RABGAP1L: variants seen among roughly 807,000 people sequenced by gnomAD.
RABGAP1L encodes the protein RAB GTPase activating protein 1 like.
RABGAP1L carries 63 observed loss-of-function variants against 137.7 expected under a neutral mutation model. That is an observed-to-expected ratio of 0.46 (90% confidence interval 0.37 to 0.56). RABGAP1L has a LOEUF of 0.56. Among genes scored for constraint, RABGAP1L ranks in the 20% least tolerant of loss-of-function variants. RABGAP1L has a pLI of 0.00. For synonymous variants in RABGAP1L, 431 were observed against 433.7 expected (o/e 0.99, Z 0.08); for missense variants, 1,095 against 1,244.0 (o/e 0.88, Z 1.80).
Position 174,448,449 on chromosome 1 carries a change from C to G in RABGAP1L, c.1710+54304C>G, listed in dbSNP as rs778061724. Reference sequence around the variant, plus strand: ...TCCACAGGTGTCCACGAGTCATTGACTTGCCAGGTTTTTGGATATATCATC... The same window carrying G: ...TCCACAGGTGTCCACGAGTCATTGAGTTGCCAGGTTTTTGGATATATCATC... On this transcript the variant is annotated intron_variant, in intron 13 of 25. Transcript: ENST00000681986. This position sits in a 1 kb window ranked among gnomAD's most constrained non-coding sequence, Gnocchi z 4.2. 2 of 1,613,772 alleles carry G rather than the reference C, an allele frequency of 1.2e-6. No individual in the cohort carries two copies. The highest frequency in any genetic ancestry group is 8.5e-7 in the Non-Finnish European group (1 of 1,179,688).
chr1:174,353,171 TAG>T (rs1361401803), intron 11 of RABGAP1L, among the ~76,000 whole-genome samples: 1 of 152,182 alleles, frequency 6.6e-6, no homozygotes, highest in Non-Finnish European at 1.5e-5. Flanking sequence ...CCTTTTGACC[TAG>T]AGTGTGTCGT....
intron 13 of RABGAP1L, among the ~76,000 whole-genome samples, chr1:174,597,868 A>T (rs1258721664): frequency 1.3e-5 from 2 of 152,094 alleles, no homozygotes; most frequent in African/African-American, 4.8e-5. Flanking sequence ...AATTTGTTTT[A>T]AGGAATTTTT....
intron 12 of RABGAP1L, among the ~76,000 whole-genome samples, chr1:174,393,582 A>G (rs756214255): frequency 6.6e-6 from 1 of 152,188 alleles, no homozygotes; most frequent in Non-Finnish European, 1.5e-5. Context: ...TCCGTTTTCA[A>G]CATCATTTCC....
intron 13 of RABGAP1L, among the ~76,000 whole-genome samples, chr1:174,589,633 A>G (rs1432442133): frequency 6.6e-6 from 1 of 152,088 alleles, no homozygotes; most frequent in African/African-American, 2.4e-5. Flanking sequence ...CTTGATTTTT[A>G]TATATGTCGA....
chr1:174,568,930 T>A (rs984943830), intron 13 of RABGAP1L, among the ~76,000 whole-genome samples: 2 of 152,230 alleles, frequency 1.3e-5, no homozygotes, highest in East Asian at 3.8e-4. Flanking sequence ...GAAAAATGTT[T>A]ACATGTGTTG....
intron 1 of RABGAP1L, among the ~76,000 whole-genome samples, chr1:174,171,760 T>C (rs1410672075): frequency 1.3e-5 from 2 of 151,732 alleles, no homozygotes; most frequent in African/African-American, 4.8e-5. Flanking sequence ...CCCAGCACTT[T>C]GGGAGGCCGA....
intron 23 of RABGAP1L, among the ~76,000 whole-genome samples, chr1:174,981,892 C>CT (rs1305018859): frequency 8.6e-5 from 13 of 151,906 alleles, no homozygotes; most frequent in Admixed American, 6.6e-5. Flanking sequence ...CCTTTGCATA[C>CT]TTTTTTTTCC....
intron 19 of RABGAP1L, among the ~76,000 whole-genome samples, chr1:174,953,719 A>G (rs573268380): frequency 6.6e-6 from 1 of 152,354 alleles, no homozygotes; most frequent in African/African-American, 2.4e-5. Context: ...ATCACTGTGG[A>G]ATACGATGAA....
At chr1:174,331,788 T>C (rs1681053505) in intron 11 of RABGAP1L, among the ~76,000 whole-genome samples, 1 of 151,698 alleles carries the variant, frequency 6.6e-6, no homozygotes, top group African/African-American at 2.4e-5. Context: ...TAACTGGTCA[T>C]TTAGCATTAG....
At chr1:174,258,701 C>T (rs978759163) in intron 7 of RABGAP1L, among the ~76,000 whole-genome samples, 39 of 151,972 alleles carry the variant, frequency 2.6e-4, no homozygotes, top group African/African-American at 8.0e-4. Flanking sequence ...ATCTTCTGAA[C>T]GAGAAAATAA....
chr1:174,541,503 C>T (rs887237551), intron 13 of RABGAP1L, among the ~76,000 whole-genome samples: 19 of 152,044 alleles, frequency 1.2e-4, no homozygotes, highest in East Asian at 5.8e-4. Flanking sequence ...AGGCCGGGTG[C>T]GGTGGCTCAC....
At chr1:174,941,061 A>C (rs770663714) in intron 19 of RABGAP1L, among the ~76,000 whole-genome samples, 1 of 129,790 alleles carries the variant, frequency 7.7e-6, no homozygotes, top group Non-Finnish European at 1.5e-5. Flanking sequence ...CAGTAGGCCC[A>C]CATTTTGTAG....
At chr1:174,973,979 GTTTTTTTTTTTTTTTTTT>G (rs58500594) in intron 21 of RABGAP1L, among the ~76,000 whole-genome samples, 14 of 85,790 alleles carry the variant, frequency 1.6e-4, no homozygotes, top group Non-Finnish European at 3.3e-4. Context: ...ATTGTTTTTT[GTTTTTTTTTTTTTTTTTT>G]TTTTTTTTTG....
At chr1:174,871,804 T>C (rs1296222880) in intron 19 of RABGAP1L, among the ~76,000 whole-genome samples, 1 of 152,210 alleles carries the variant, frequency 6.6e-6, no homozygotes, top group Non-Finnish European at 1.5e-5. Context: ...AGTTGTGCAC[T>C]CTGCTCAAAA....
At chr1:174,215,919 G>A (rs1302135329) in intron 1 of RABGAP1L, among the ~76,000 whole-genome samples, 1 of 152,154 alleles carries the variant, frequency 6.6e-6, no homozygotes, top group African/African-American at 2.4e-5. Context: ...TCCATCAACA[G>A]ATAAAGAAAA....
intron 10 of RABGAP1L, among the ~76,000 whole-genome samples, chr1:174,303,981 T>A (rs935746440): frequency 3.9e-5 from 6 of 152,188 alleles, no homozygotes; most frequent in Non-Finnish European, 5.9e-5. Flanking sequence ...TGGACTTTCT[T>A]CCTTCTTTCT....
chr1:174,652,449 T>C (rs1469570569), intron 14 of RABGAP1L, among the ~76,000 whole-genome samples: 2 of 152,216 alleles, frequency 1.3e-5, no homozygotes, highest in Admixed American at 6.5e-5. Context: ...TATCTATCTG[T>C]GGTCTTTGAT....
chr1:174,270,074 A>G (rs1674425803), intron 7 of RABGAP1L, among the ~76,000 whole-genome samples: 1 of 152,180 alleles, frequency 6.6e-6, no homozygotes, highest in South Asian at 2.1e-4. Context: ...TTGACAGAAA[A>G]TAATTATGTA....
At position 174,377,631 on chromosome 1, in the gene RABGAP1L, A is replaced by G. The variant is rs191678310; in HGVS notation, c.1559+6559A>G. Among the ~76,000 whole-genome samples, 245 of 152,294 alleles carry G rather than the reference A, an allele frequency of 1.6e-3. 4 individuals are homozygous for G. Among genetic ancestry groups the G allele is most frequent in the Non-Finnish European group, 2.0e-3 (133 of 68,018 alleles). On this transcript the variant is annotated intron_variant, in intron 12 of 25. Transcript: ENST00000681986. ...CTCAATATCATTAACCATCAGGGAA[A>G]TGCCAATCAAAGCTACAGTGAGATA...
Sources: allele counts gnomAD v4.1 joint callset (sites outside exome capture counted in the v4.1 genomes callset), GRCh38; gene constraint gnomAD v4.1.1; non-coding constraint Gnocchi (gnomAD v3.1); transcripts MANE v1.5; gene names NCBI Gene and HGNC (gene_info 2026-07-23, HGNC 2026-07-21).